KRAS: variants seen among roughly 807,000 people sequenced by gnomAD.
KRAS encodes GTPase KRas.
KRAS carries 1 observed loss-of-function variant against 21.0 expected under a neutral mutation model. The ratio of observed to expected loss-of-function variants is 0.05; its 90% CI spans 0.02 to 0.23. The LOEUF (loss-of-function observed/expected upper bound fraction) is 0.23, where lower values mean the gene tolerates loss of function less well. KRAS is among the 10% of genes least tolerant of loss of function. KRAS has a pLI of 1.00. For synonymous variants in KRAS, 67 were observed against 72.5 expected (o/e 0.92, Z 0.39); for missense variants, 107 against 221.8 (o/e 0.48, Z 3.29).
intron 3 of KRAS, among the ~76,000 whole-genome samples, 174 bp from the exon 4 acceptor site, chr12:25,225,947 T>C (rs993554768): frequency 6.6e-6 from 1 of 152,182 alleles, no homozygotes; most frequent in African/African-American, 2.4e-5. Flanking sequence ...TTTACCTTTT[T>C]AAACAGAAAC....
intron 2 of KRAS, among the ~76,000 whole-genome samples, chr12:25,229,811 C>G (rs1951442328): frequency 6.7e-6 from 1 of 150,072 alleles, no homozygotes. Context: ...CTCTGTCGCC[C>G]AGGCTGGAGT....
chr12:25,219,010 G>A lies in KRAS; in HGVS notation c.450+6604C>T, dbSNP rs1011061069. Among the ~76,000 whole-genome samples the A allele has an allele frequency of 7.9e-5, 12 of 151,254 alleles. 1 individual carries two copies. Among genetic ancestry groups the A allele is most frequent in the African/African-American group, 2.9e-4 (12 of 41,036 alleles). On this transcript the variant is annotated intron_variant, in intron 4 of 4. Coordinates refer to ENST00000311936, the MANE Select transcript of KRAS (RefSeq NM_004985.5). ...GCTGGACTGCAGTGGTGCAATCTCG[G>A]CTCACTGCAACCGCCACCTCCGGGT...
At chr12:25,218,145 G>GTA (rs768672807) in intron 4 of KRAS, among the ~76,000 whole-genome samples, 22 of 151,454 alleles carry the variant, frequency 1.5e-4, no homozygotes, top group Admixed American at 5.3e-4. Flanking sequence ...AAAAATATGT[G>GTA]TATATATATA....
chr12:25,206,552 C>CCCATGG lies in KRAS; in HGVS notation c.*3242_*3243insCCATGG, dbSNP rs1226586814. On this transcript the variant is annotated 3_prime_UTR_variant, in exon 5 of 5. Transcript: ENST00000311936. The stretch of plus-strand genomic sequence containing the variant: ...AATTAACCACTACCTTAAAAAAATG[C>CCCATGG]CCATCTACATCAAAAATTCAAGAGG... 9.8e-6 allele frequency: 2 copies of CCCATGG among 203,982 alleles called. No homozygotes were observed. The highest frequency in any genetic ancestry group is 2.3e-5 in the African/African-American group (1 of 43,720). 12.6% of individuals were successfully genotyped at this position (203,982 alleles called of 1,614,324 possible).
intron 2 of KRAS, among the ~76,000 whole-genome samples, chr12:25,237,153 G>A (rs1028387886): frequency 6.6e-6 from 1 of 152,150 alleles, no homozygotes; most frequent in Non-Finnish European, 1.5e-5. Context: ...AAAAGGCCAC[G>A]TCTGTACGAT....
chr12:25,230,581 T>C (rs1951453698), intron 2 of KRAS, among the ~76,000 whole-genome samples: 1 of 152,194 alleles, frequency 6.6e-6, no homozygotes, highest in African/African-American at 2.4e-5. Flanking sequence ...TGAGCTGAGA[T>C]TGTGCCATTG....
intron 2 of KRAS, chr12:25,234,010 G>A (rs1434012487): frequency 1.0e-5 from 2 of 191,250 alleles, no homozygotes; most frequent in Non-Finnish European, 2.2e-5. Context: ...AGTGTGCAAA[G>A]GCAGATTTTT....
intron 2 of KRAS, among the ~76,000 whole-genome samples, chr12:25,230,181 T>A (rs1414752142): frequency 6.6e-6 from 1 of 152,212 alleles, no homozygotes; most frequent in Non-Finnish European, 1.5e-5. Flanking sequence ...TCAAAATGTT[T>A]ACAGTATAAG....
chr12:25,215,180 G>C (rs1951240471), intron 4 of KRAS: 1 of 626,948 alleles, frequency 1.6e-6, no homozygotes, highest in Non-Finnish European at 2.0e-6. Context: ...CAAATATTTA[G>C]TTTACTTAAG....
chr12:25,231,567 C>T (rs531194718), intron 2 of KRAS, among the ~76,000 whole-genome samples: 2 of 151,974 alleles, frequency 1.3e-5, no homozygotes, highest in African/African-American at 2.4e-5. Flanking sequence ...CCAGTGCGAC[C>T]GAGAAACTGG....
Position 25,208,537 on chromosome 12 carries a change from A to C in KRAS, c.*1258T>G. The C allele has an allele frequency of 8.6e-6, 2 of 233,124 alleles. No individual in the cohort carries two copies. The highest frequency in any genetic ancestry group is 6.1e-5 in the East Asian group (1 of 16,492). The allele number at this position is 233,124 out of a possible 1,614,324, so 14.4% of individuals were successfully genotyped here. A position where few individuals can be genotyped will look rare whatever the true frequency, so the allele number is the denominator to read the frequency against. The stretch of plus-strand genomic sequence containing the variant: ...AAAATTAATGTCTTGGCACACCACC[A>C]CCCCAAAATCTCAACTTTTGAGTTA... On this transcript the variant is annotated 3_prime_UTR_variant, in exon 5 of 5. Transcript: ENST00000311936.
chr12:25,217,147 A>G (rs1951265016), intron 4 of KRAS, among the ~76,000 whole-genome samples: 2 of 152,226 alleles, frequency 1.3e-5, no homozygotes, highest in Non-Finnish European at 2.9e-5. Context: ...TTGCAGTTTT[A>G]AATTCAATCA....
chr12:25,228,693 A>G (rs1204597489), intron 2 of KRAS, among the ~76,000 whole-genome samples: 1 of 152,216 alleles, frequency 6.6e-6, no homozygotes, highest in Non-Finnish European at 1.5e-5. Context: ...AGATAGTGCT[A>G]ATGGTTAGAC....
chr12:25,210,746 T>A (rs971369338), intron 4 of KRAS: 1 of 152,182 alleles, frequency 6.6e-6, no homozygotes, highest in Non-Finnish European at 1.5e-5. Context: ...TCAAAGAGTT[T>A]AACAGTTAGT....
intron 1 of KRAS, among the ~76,000 whole-genome samples, chr12:25,250,467 G>T (rs1297807778): frequency 6.6e-6 from 1 of 152,116 alleles, no homozygotes; most frequent in Non-Finnish European, 1.5e-5. Flanking sequence ...TCGGGGAGGA[G>T]GAAGGAAGGG....
chr12:25,216,300 G>A (rs7977616), intron 4 of KRAS, among the ~76,000 whole-genome samples: 29,667 of 152,018 alleles, frequency 0.2, 2,978 homozygotes, highest in Middle Eastern at 0.24. Flanking sequence ...TTGTTTTAGA[G>A]ACAGGGTCTC....
intron 2 of KRAS, among the ~76,000 whole-genome samples, chr12:25,230,729 ATAT>A (rs1249315869): frequency 6.6e-6 from 1 of 152,220 alleles, no homozygotes. Flanking sequence ...GAAAACCTAC[ATAT>A]TAGACTATAA....
intron 4 of KRAS, chr12:25,215,337 T>C (rs1394622874): frequency 6.0e-6 from 9 of 1,507,922 alleles, no homozygotes; most frequent in Middle Eastern, 2.4e-4. Context: ...TACTTCAAGT[T>C]AGAATACTAC....
intron 4 of KRAS, chr12:25,215,653 C>T (rs1951247257): frequency 4.6e-6 from 5 of 1,081,696 alleles, no homozygotes; most frequent in Non-Finnish European, 7.0e-6. Context: ...AGATTATGAG[C>T]TTGAGATTTT....
Sources: allele counts gnomAD v4.1 joint callset (sites outside exome capture counted in the v4.1 genomes callset), GRCh38; gene constraint gnomAD v4.1.1; transcripts MANE v1.5; gene names NCBI Gene and HGNC (gene_info 2026-07-23, HGNC 2026-07-21).